PTPRD: variants seen among roughly 807,000 people sequenced by gnomAD.
PTPRD encodes the protein receptor-type tyrosine-protein phosphatase delta.
Under a neutral mutation model 214.5 loss-of-function variants are expected in PTPRD, and 34 were observed. The ratio of observed to expected loss-of-function variants is 0.16; its 90% CI spans 0.12 to 0.21. PTPRD has a LOEUF of 0.21. Ranked by LOEUF, PTPRD falls within the 10% of genes least tolerant of loss-of-function variation. PTPRD has a pLI of 1.00. For synonymous variants in PTPRD, 1,128 were observed against 845.7 expected, an observed-to-expected ratio of 1.33 and a Z score of -5.79; for missense variants, 2,545 against 2,398.7, an observed-to-expected ratio of 1.06 and a Z score of -1.27.
chr9:9,646,519 T>G (rs1303679791), intron 7 of PTPRD, among the ~76,000 whole-genome samples: 1 of 152,196 alleles, frequency 6.6e-6, no homozygotes, highest in Non-Finnish European at 1.5e-5. Flanking sequence ...CGCTATGATG[T>G]ATCAGAATGT....
rs79334535 is a variant in PTPRD at position 9,373,735 on chromosome 9, A to C, written c.-203+23714T>G. Among the ~76,000 whole-genome samples, 431 of 152,228 alleles carry C rather than the reference A, an allele frequency of 2.8e-3. 2 individuals carry two copies. The highest frequency in any genetic ancestry group is 9.6e-3 in the African/African-American group (400 of 41,568). On this transcript the variant is annotated intron_variant, in intron 9 of 45. Coordinates refer to ENST00000381196, the MANE Select transcript of PTPRD (RefSeq NM_002839.4). The stretch of plus-strand genomic sequence containing the variant: ...TATCAGGATAATGTCTTCATCTGGA[A>C]ATCTTTAATTGCTTTTGCAAAGATT...
chr9:8,656,009 C>T (rs2096902376), intron 12 of PTPRD, among the ~76,000 whole-genome samples: 2 of 152,144 alleles, frequency 1.3e-5, no homozygotes, highest in Non-Finnish European at 2.9e-5. Context: ...CTTTTTACAT[C>T]TCTAATTTAC....
chr9:10,011,989 T>A (rs2096609855), intron 4 of PTPRD, among the ~76,000 whole-genome samples: 2 of 151,936 alleles, frequency 1.3e-5, no homozygotes, highest in African/African-American at 4.8e-5. Flanking sequence ...TTTTGCTAAT[T>A]AACTTTTTAT....
intron 14 of PTPRD, among the ~76,000 whole-genome samples, chr9:8,563,233 G>C (rs894050044): frequency 1.3e-5 from 2 of 152,092 alleles, no homozygotes; most frequent in Admixed American, 6.5e-5. Context: ...GTATTGGTGA[G>C]GCTACAGTAC....
At chr9:8,775,639 G>A (rs1050848929) in intron 11 of PTPRD, among the ~76,000 whole-genome samples, 15 of 152,108 alleles carry the variant, frequency 9.9e-5, no homozygotes, top group African/African-American at 2.7e-4. Flanking sequence ...TACTGCATGG[G>A]CATTTTGCAT....
chr9:9,177,578 A>C (rs1296071359), intron 10 of PTPRD, among the ~76,000 whole-genome samples: 2 of 152,162 alleles, frequency 1.3e-5, no homozygotes, highest in Non-Finnish European at 2.9e-5. Flanking sequence ...ACTTAATTTT[A>C]AAATGATTAT....
At position 8,823,504 on chromosome 9, in the gene PTPRD, G is replaced by T. The variant is rs1337491298; in HGVS notation, c.-103-89558C>A. On this transcript the variant is annotated intron_variant, in intron 11 of 45. Coordinates refer to ENST00000381196, the MANE Select transcript of PTPRD (RefSeq NM_002839.4). ...CATCTCAAGAAATCACACCTTAGCTGGGTGTGGTGGTGGCGCGTGCCTGTA... is the reference window on the plus strand; with the variant it reads ...CATCTCAAGAAATCACACCTTAGCTTGGTGTGGTGGTGGCGCGTGCCTGTA... Among the ~76,000 whole-genome samples the T allele has an allele frequency of 4.6e-5, 7 of 152,228 alleles. No homozygotes were observed. The South Asian group carries it at 8.3e-4, about 18-fold the overall frequency.
At chr9:9,479,772 T>C (rs886798203) in intron 8 of PTPRD, among the ~76,000 whole-genome samples, 2 of 151,806 alleles carry the variant, frequency 1.3e-5, no homozygotes, top group Non-Finnish European at 2.9e-5. Flanking sequence ...ACTCTTAAAT[T>C]CCCCTATTTG....
chr9:9,055,335 G>T (rs971500189), intron 10 of PTPRD, among the ~76,000 whole-genome samples: 1 of 152,152 alleles, frequency 6.6e-6, no homozygotes, highest in Non-Finnish European at 1.5e-5. Context: ...GTGAGGTAAT[G>T]AATATGTTAA....
chr9:9,102,236 T>G (rs549237537), intron 10 of PTPRD, among the ~76,000 whole-genome samples: 2 of 152,320 alleles, frequency 1.3e-5, no homozygotes, highest in South Asian at 2.1e-4. Context: ...GAAAATATTC[T>G]TACAATAAGA....
chr9:9,730,819 G>A lies in PTPRD; in HGVS notation c.-287+3714C>T, dbSNP rs563191073. On this transcript the variant is annotated intron_variant, in intron 7 of 45. Coordinates refer to ENST00000381196, the MANE Select transcript of PTPRD (RefSeq NM_002839.4). ...TATTAAAATGCCCTTTACAAAGTGA[G>A]ACTGGAAGCATGAAATGAGAATACA... 3.3e-5 allele frequency among the ~76,000 whole-genome samples: 5 copies of A among 152,100 alleles called. 1 individual carries two copies. Among genetic ancestry groups the A allele is most frequent in the Admixed American group, 3.3e-4 (5 of 15,248 alleles).
intron 7 of PTPRD, among the ~76,000 whole-genome samples, chr9:9,580,667 G>A (rs2090511659): frequency 6.7e-6 from 1 of 149,514 alleles, no homozygotes; most frequent in South Asian, 2.1e-4. Flanking sequence ...TCCTGCCTCA[G>A]CCTCCTGAAT....
chr9:9,403,802 A>G (rs1458343492), intron 8 of PTPRD, among the ~76,000 whole-genome samples: 1 of 152,078 alleles, frequency 6.6e-6, no homozygotes, highest in Non-Finnish European at 1.5e-5. Flanking sequence ...CATGTTTCCT[A>G]CTTACATTAT....
intron 6 of PTPRD, among the ~76,000 whole-genome samples, chr9:9,757,291 G>A (rs903656924): frequency 5.9e-5 from 9 of 152,124 alleles, no homozygotes; most frequent in Admixed American, 2.6e-4. Context: ...TCTGCTACAT[G>A]CACATAAATC....
intron 9 of PTPRD, among the ~76,000 whole-genome samples, chr9:9,391,392 T>A (rs969682438): frequency 2.5e-4 from 38 of 152,314 alleles, no homozygotes; most frequent in African/African-American, 8.9e-4. Context: ...TTGATTTGAC[T>A]AATGGGTAAA....
intron 8 of PTPRD, among the ~76,000 whole-genome samples, chr9:9,560,886 A>G (rs1424560006): frequency 6.6e-6 from 1 of 151,972 alleles, no homozygotes; most frequent in Non-Finnish European, 1.5e-5. Context: ...CCTTGCCTTC[A>G]TGGTCAGTAG....
At chr9:9,969,896 C>T (rs7032996) in intron 4 of PTPRD, among the ~76,000 whole-genome samples, 42,367 of 152,028 alleles carry the variant, frequency 0.28, 7,092 homozygotes, top group African/African-American at 0.47. Context: ...CATTTTTCTC[C>T]TGGCCTCTGG....
intron 7 of PTPRD, among the ~76,000 whole-genome samples, chr9:9,647,908 C>A (rs2096237979): frequency 6.6e-6 from 1 of 152,110 alleles, no homozygotes; most frequent in Non-Finnish European, 1.5e-5. Flanking sequence ...ACTTAAGTCC[C>A]CAGATCTCAT....
intron 3 of PTPRD, among the ~76,000 whole-genome samples, chr9:10,164,527 T>C (rs2099147485): frequency 6.6e-6 from 1 of 151,590 alleles, no homozygotes; most frequent in Non-Finnish European, 1.5e-5. Flanking sequence ...TAATTGAGTG[T>C]GCTCTAGGAC....
Sources: allele counts gnomAD v4.1 joint callset (sites outside exome capture counted in the v4.1 genomes callset), GRCh38; gene constraint gnomAD v4.1.1; transcripts MANE v1.5; gene names NCBI Gene and HGNC (gene_info 2026-07-23, HGNC 2026-07-21).